Variants in KCNH7 observed in about 807,000 individuals in gnomAD.
KCNH7 encodes the protein potassium voltage-gated channel subfamily H member 7.
In KCNH7, 49 loss-of-function variants were observed where a neutral mutation model predicts 120.8. The observed-to-expected ratio is 0.41, with a 90% CI of 0.32 to 0.51. The LOEUF (loss-of-function observed/expected upper bound fraction) is 0.51. Ranked by LOEUF, KCNH7 falls within the 20% of genes least tolerant of loss-of-function variation. The probability of loss-of-function intolerance (pLI) is 0.38; values close to 1 mark genes in which losing one functional copy is unlikely to be tolerated. For synonymous variants in KCNH7, 547 were observed against 516.1 expected, an observed-to-expected ratio of 1.06 and a Z score of -0.81; for missense variants, 1,097 against 1,446.6, an observed-to-expected ratio of 0.76 and a Z score of 3.92.
chr2:162,690,429 A>G (rs965258839), intron 2 of KCNH7, among the ~76,000 whole-genome samples: 4 of 152,168 alleles, frequency 2.6e-5, no homozygotes, highest in African/African-American at 9.6e-5. Context: ...TATTGACTCA[A>G]GTAAAGGAAA....
chr2:162,825,948 TG>T lies in KCNH7; in HGVS notation c.307+10588del, dbSNP rs557849094. On this transcript the variant is annotated intron_variant, in intron 2 of 15. Coordinates refer to ENST00000332142, the MANE Select transcript of KCNH7 (RefSeq NM_033272.4). Reference sequence around the variant, plus strand: ...TGGATATCTGTTAGTATTAAGATTATGGTTTTTTTTCTATTTTCTCTCTGTA... The same window carrying T: ...TGGATATCTGTTAGTATTAAGATTATGTTTTTTTTCTATTTTCTCTCTGTA... Among the ~76,000 whole-genome samples, 884 of 152,136 alleles carry T rather than the reference TG, an allele frequency of 5.8e-3. 11 individuals are homozygous for T. The highest frequency in any genetic ancestry group is 0.02 in the African/African-American group (824 of 41,536).
chr2:162,410,279 A>G (rs960944072), intron 9 of KCNH7, among the ~76,000 whole-genome samples: 3 of 151,924 alleles, frequency 2.0e-5, no homozygotes, highest in Admixed American at 2.0e-4. Flanking sequence ...AGCCACACAC[A>G]TACAGCCACC....
chr2:162,716,715 T>C (rs935564400), intron 2 of KCNH7, among the ~76,000 whole-genome samples: 2 of 152,146 alleles, frequency 1.3e-5, no homozygotes, highest in African/African-American at 4.8e-5. Flanking sequence ...GCTATAAGTT[T>C]ATGTGAAGAA....
chr2:162,611,713 C>A (rs1351491176), intron 2 of KCNH7, among the ~76,000 whole-genome samples: 1 of 152,082 alleles, frequency 6.6e-6, no homozygotes, highest in Admixed American at 6.6e-5. Flanking sequence ...GTGAGTTAAA[C>A]CTGCAATTTT....
At chr2:162,724,065 G>A (rs1197231499) in intron 2 of KCNH7, among the ~76,000 whole-genome samples, 1 of 142,632 alleles carries the variant, frequency 7.0e-6, no homozygotes, top group Non-Finnish European at 1.5e-5. Context: ...GTAATAATGA[G>A]GTATAACTTC....
chr2:162,647,273 T>G (rs1000985956), intron 2 of KCNH7, among the ~76,000 whole-genome samples: 1 of 152,156 alleles, frequency 6.6e-6, no homozygotes, highest in African/African-American at 2.4e-5. Flanking sequence ...ACGTGTTTTT[T>G]TGTGTGTTGG....
Position 162,484,817 on chromosome 2 carries a change from T to C in KCNH7, c.1128+19626A>G, listed in dbSNP as rs1690039618. On this transcript the variant is annotated intron_variant, in intron 6 of 15. Transcript: ENST00000332142. ...ATCCTGGCACCTCCCTTTGTCTCTG[T>C]TGCTTCCTCTCTCACCATGTGATCT... Among the ~76,000 whole-genome samples, 14 of 152,272 alleles carry C rather than the reference T, an allele frequency of 9.2e-5. No individual in the cohort carries two copies. In the South Asian group the frequency reaches 2.9e-3, roughly 32 times the overall value.
chr2:162,787,899 G>A (rs1436782790), intron 2 of KCNH7, among the ~76,000 whole-genome samples: 2 of 152,222 alleles, frequency 1.3e-5, no homozygotes, highest in African/African-American at 4.8e-5. Flanking sequence ...CACCAGGCCA[G>A]CCACCTAAGG....
intron 2 of KCNH7, among the ~76,000 whole-genome samples, chr2:162,606,701 A>G (rs1234893154): frequency 2.0e-5 from 3 of 152,186 alleles, no homozygotes; most frequent in African/African-American, 7.2e-5. Context: ...TCAGCCTTAT[A>G]AACTTTAGTC....
chr2:162,417,591 A>G (rs1020246363), intron 9 of KCNH7, among the ~76,000 whole-genome samples: 2 of 152,184 alleles, frequency 1.3e-5, no homozygotes, highest in Admixed American at 6.5e-5. Context: ...TCACCACCTC[A>G]GTGTAATGTT....
At chr2:162,532,428 G>A (rs1039877930) in intron 3 of KCNH7, among the ~76,000 whole-genome samples, 1 of 151,824 alleles carries the variant, frequency 6.6e-6, no homozygotes, top group African/African-American at 2.4e-5. Context: ...AGATACCAGA[G>A]TCACTTACAA....
rs1055955159 is a variant in KCNH7, at chr2:162,553,505, G to A, written c.308-16425C>T. 4.6e-5 allele frequency among the ~76,000 whole-genome samples: 7 copies of A among 151,890 alleles called. 1 individual carries two copies. The highest frequency in any genetic ancestry group is 1.9e-4 in the East Asian group (1 of 5,168). The stretch of plus-strand genomic sequence containing the variant: ...TCTACTAAAAATACAAAAAATTAGC[G>A]GGGTGTGGTGGCGGGCGCCTGTAGT... On this transcript the variant is annotated intron_variant, in intron 2 of 15. Coordinates refer to ENST00000332142, the MANE Select transcript of KCNH7 (RefSeq NM_033272.4).
At chr2:162,425,494 A>G (rs535260178) in intron 8 of KCNH7, among the ~76,000 whole-genome samples, 1 of 152,300 alleles carries the variant, frequency 6.6e-6, no homozygotes, top group South Asian at 2.1e-4. Flanking sequence ...TAAAAAGAGA[A>G]TTAACAATAT....
chr2:162,814,950 T>G (rs566972909), intron 2 of KCNH7, among the ~76,000 whole-genome samples: 1 of 152,308 alleles, frequency 6.6e-6, no homozygotes, highest in African/African-American at 2.4e-5. Context: ...GACCACATAC[T>G]TATTTTCCTT....
intron 9 of KCNH7, among the ~76,000 whole-genome samples, chr2:162,417,421 T>A (rs1249124700): frequency 6.6e-6 from 1 of 152,166 alleles, no homozygotes; most frequent in Non-Finnish European, 1.5e-5. Context: ...TTGAAACACA[T>A]CATACCCTTC....
intron 2 of KCNH7, among the ~76,000 whole-genome samples, chr2:162,675,183 G>A (rs1685492714): frequency 6.6e-6 from 1 of 151,316 alleles, no homozygotes; most frequent in East Asian, 1.9e-4. Flanking sequence ...ACAAACAAAT[G>A]ATATATTATA....
chr2:162,559,109 G>A (rs1188614706), intron 2 of KCNH7, among the ~76,000 whole-genome samples: 2 of 150,802 alleles, frequency 1.3e-5, no homozygotes, highest in African/African-American at 4.9e-5. Context: ...ACAATATGGT[G>A]CAGTTGAAAG....
At chr2:162,374,956 G>T (rs1338168404) in intron 14 of KCNH7, among the ~76,000 whole-genome samples, 2 of 152,090 alleles carry the variant, frequency 1.3e-5, no homozygotes, top group African/African-American at 4.8e-5. Flanking sequence ...ATACCTGAAG[G>T]TCTGATCTAA....
intron 2 of KCNH7, among the ~76,000 whole-genome samples, chr2:162,764,118 C>T (rs1689062690): frequency 6.6e-6 from 1 of 151,904 alleles, no homozygotes; most frequent in Admixed American, 6.6e-5. Flanking sequence ...TAAATATTTC[C>T]CAATAGTATA....
Sources: allele counts gnomAD v4.1 joint callset (sites outside exome capture counted in the v4.1 genomes callset), GRCh38; gene constraint gnomAD v4.1.1; transcripts MANE v1.5; gene names NCBI Gene and HGNC (gene_info 2026-07-23, HGNC 2026-07-21).